PDE1C: variants seen among roughly 807,000 people sequenced by gnomAD.
PDE1C encodes phosphodiesterase 1C.
In PDE1C, 62 loss-of-function variants were observed where a neutral mutation model predicts 93.1. That is an observed-to-expected ratio of 0.67 (90% CI 0.54 to 0.82). PDE1C has a LOEUF of 0.82. Ranked by LOEUF, PDE1C falls within the 40% of genes least tolerant of loss-of-function variation. The pLI is 0.00. For synonymous variants in PDE1C, 325 were observed against 310.1 expected (o/e 1.05, Z -0.50); for missense variants, 742 against 884.6 (o/e 0.84, Z 2.04).
chr7:31,917,945 T>G (rs977777427), intron 2 of PDE1C, among the ~76,000 whole-genome samples: 5 of 152,094 alleles, frequency 3.3e-5, no homozygotes, highest in Non-Finnish European at 7.3e-5. Flanking sequence ...AACACTAGAG[T>G]AAATAATATT....
At chr7:32,400,413 GC>G (rs1474375200) in intron 1 of PDE1C, among the ~76,000 whole-genome samples, 4 of 151,238 alleles carry the variant, frequency 2.6e-5, no homozygotes, top group Non-Finnish European at 5.9e-5. Context: ...GATGTTCTAT[GC>G]AAAAAAAAGA....
the PDE1C span, among the ~76,000 whole-genome samples, chr7:31,622,903 A>G: frequency 2.0e-5 from 3 of 152,232 alleles, no homozygotes; most frequent in Non-Finnish European, 4.4e-5. Flanking sequence ...AATAGACACA[A>G]TAAAAAATGA....
At chr7:31,852,765 G>A (rs1281537263) in intron 7 of PDE1C, among the ~76,000 whole-genome samples, 1 of 151,994 alleles carries the variant, frequency 6.6e-6, no homozygotes, top group African/African-American at 2.4e-5. Context: ...CATTGTTCAT[G>A]TGTTTATTCA....
chr7:31,711,177 G>A, the PDE1C span, among the ~76,000 whole-genome samples: 9 of 152,178 alleles, frequency 5.9e-5, no homozygotes, highest in Non-Finnish European at 8.8e-5. Flanking sequence ...TATTTTGAGC[G>A]TGGAACAAAG....
chr7:31,654,072 A>G, the PDE1C span, among the ~76,000 whole-genome samples: 39 of 130,946 alleles, frequency 3.0e-4, no homozygotes, highest in African/African-American at 1.1e-3. Context: ...AAAAAAAAAA[A>G]CCAACAAGCA....
In PDE1C at chr7:32,309,294, G is replaced by A. The variant is rs1026614997; in HGVS notation, c.311-99755C>T. Among the ~76,000 whole-genome samples the A allele has an allele frequency of 1.6e-4, 25 of 152,216 alleles. 1 individual carries two copies. The highest frequency in any genetic ancestry group is 7.8e-4 in the Admixed American group (12 of 15,288). Reference sequence around the variant, plus strand: ...CTGATTGGTGTACCTGAAAGTGACAGAGAGAATGGAACCAAGTTGGAAAAC... The same window carrying A: ...CTGATTGGTGTACCTGAAAGTGACAAAGAGAATGGAACCAAGTTGGAAAAC... On this transcript the variant is annotated intron_variant, in intron 1 of 1. Coordinates refer to the PDE1C transcript ENST00000672256.
intron 1 of PDE1C, among the ~76,000 whole-genome samples, chr7:32,392,222 C>T (rs776453024): frequency 2.0e-5 from 3 of 151,894 alleles, no homozygotes; most frequent in South Asian, 2.1e-4. Flanking sequence ...ATAACTTAGA[C>T]GAAATGAAGA....
chr7:31,763,860 C>G (rs1436972166), intron 17 of PDE1C, among the ~76,000 whole-genome samples: 1 of 151,958 alleles, frequency 6.6e-6, no homozygotes, highest in Non-Finnish European at 1.5e-5. Context: ...TCTCACCACA[C>G]AATGAAGAGA....
intron 1 of PDE1C, among the ~76,000 whole-genome samples, chr7:32,256,174 A>C (rs1259426774): frequency 6.6e-6 from 1 of 152,212 alleles, no homozygotes; most frequent in Non-Finnish European, 1.5e-5. Context: ...CTTCACACAA[A>C]AAAAATTAAT....
intron 1 of PDE1C, among the ~76,000 whole-genome samples, chr7:32,263,731 GA>G (rs1810385461): frequency 6.6e-6 from 1 of 152,036 alleles, no homozygotes; most frequent in Non-Finnish European, 1.5e-5. Context: ...ATGACATTGA[GA>G]TTTTTTTAAG....
chr7:32,406,782 C>G, intron 1 of PDE1C, among the ~76,000 whole-genome samples: 1 of 152,066 alleles, frequency 6.6e-6, no homozygotes. Context: ...AAATGAAGAG[C>G]AAGGATTGCA....
At chr7:31,872,524 T>C (rs1399648357) in intron 6 of PDE1C, among the ~76,000 whole-genome samples, 1 of 152,052 alleles carries the variant, frequency 6.6e-6, no homozygotes, top group Non-Finnish European at 1.5e-5. Flanking sequence ...TTGTACCAAT[T>C]AAAAAACAGA....
In PDE1C at chr7:32,060,997, C is replaced by T. The variant is rs775392192; in HGVS notation, c.101+9296G>A. On this transcript the variant is annotated intron_variant, in intron 1 of 17. Transcript: ENST00000396191. ...TGAAAACAAGTGGCAGGATGTCAGTCGGAATTTGAACTACTCCTAAAACAT... is the reference window on the plus strand; with the variant it reads ...TGAAAACAAGTGGCAGGATGTCAGTTGGAATTTGAACTACTCCTAAAACAT... Among the ~76,000 whole-genome samples, 8 of 152,194 alleles carry T rather than the reference C, an allele frequency of 5.3e-5. No individual in the cohort carries two copies. The East Asian group carries it at 5.8e-4, about 11-fold the overall frequency.
intron 2 of PDE1C, among the ~76,000 whole-genome samples, chr7:31,883,467 G>A (rs1207961483): frequency 6.6e-6 from 1 of 152,210 alleles, no homozygotes; most frequent in Non-Finnish European, 1.5e-5. Flanking sequence ...ACATGAAAAT[G>A]AGCTGACACG....
intron 2 of PDE1C, among the ~76,000 whole-genome samples, chr7:31,910,822 A>G (rs1476290831): frequency 6.6e-6 from 1 of 152,140 alleles, no homozygotes; most frequent in Non-Finnish European, 1.5e-5. Flanking sequence ...TGTGAGGAGT[A>G]AGTTTATAAT....
intron 3 of PDE1C, among the ~76,000 whole-genome samples, chr7:32,132,746 A>C (rs1799989724): frequency 6.6e-6 from 1 of 152,162 alleles, no homozygotes; most frequent in South Asian, 2.1e-4. Flanking sequence ...GAATAGAATC[A>C]AGGAGTCCAG....
intron 16 of PDE1C, among the ~76,000 whole-genome samples, chr7:31,776,399 C>T (rs1469923457): frequency 2.0e-5 from 3 of 152,050 alleles, no homozygotes; most frequent in African/African-American, 7.2e-5. Flanking sequence ...TCTTAGTTTC[C>T]CAGCAACTGG....
At chr7:31,815,819 C>A in intron 15 of PDE1C, 105 bp downstream of exon 15, 2 of 842,578 alleles carry the variant, frequency 2.4e-6, no homozygotes, top group South Asian at 1.5e-5. Context: ...AGCAGGGAAG[C>A]CTTGCCCTGT....
chr7:31,728,284 G>A, the PDE1C span, among the ~76,000 whole-genome samples: 3 of 152,088 alleles, frequency 2.0e-5, no homozygotes, highest in East Asian at 5.8e-4. Context: ...AGGGAGCCTA[G>A]AGCTGCCATT....
Sources: gnomAD v4.1 joint callset for allele counts (sites outside exome capture counted in the v4.1 genomes callset) on GRCh38, gnomAD v4.1.1 for gene constraint, MANE v1.5 for transcripts, NCBI Gene and HGNC (gene_info 2026-07-23, HGNC 2026-07-21) for gene names.